Variants in ZNF804B observed in about 807,000 individuals in gnomAD.
The protein encoded by ZNF804B is zinc finger protein 804B.
Under a neutral mutation model 101.4 loss-of-function variants are expected in ZNF804B, and 80 were observed. The ratio of observed to expected loss-of-function variants is 0.79; its 90% confidence interval spans 0.66 to 0.95. The LOEUF is 0.95. Ranked by LOEUF, ZNF804B falls within the 40% of genes least tolerant of loss-of-function variation. ZNF804B has a pLI of 0.00. For missense variants in ZNF804B, 1,673 were observed against 1,561.9 expected (o/e 1.07, Z -1.20); for synonymous variants, 622 against 558.8 (o/e 1.11, Z -1.59).
At chr7:88,984,969 A>G (rs1046758091) in intron 1 of ZNF804B, among the ~76,000 whole-genome samples, 1 of 152,048 alleles carries the variant, frequency 6.6e-6, no homozygotes, top group Non-Finnish European at 1.5e-5. Flanking sequence ...GGGTGATTTA[A>G]AAAGAAACAA....
chr7:88,815,089 TATATG>T (rs1562801313), intron 1 of ZNF804B, among the ~76,000 whole-genome samples: 1 of 148,744 alleles, frequency 6.7e-6, no homozygotes, highest in African/African-American at 2.4e-5. Flanking sequence ...TGTTCATACA[TATATG>T]TATTATGTAT....
chr7:89,220,179 G>A (rs7455497), intron 2 of ZNF804B, among the ~76,000 whole-genome samples: 2,967 of 45,196 alleles, frequency 0.066, 1,011 homozygotes, highest in African/African-American at 0.11. Flanking sequence ...ATATATGTGT[G>A]TATATATATA....
At chr7:89,273,032 C>T (rs1425305181) in intron 2 of ZNF804B, among the ~76,000 whole-genome samples, 1 of 151,990 alleles carries the variant, frequency 6.6e-6, no homozygotes, top group Non-Finnish European at 1.5e-5. Flanking sequence ...TTGTAATCTT[C>T]AAAAATGCTT....
rs569672635 is a variant in ZNF804B, at chr7:89,246,740, G to A, written c.249+28445G>A. Among the ~76,000 whole-genome samples the A allele has an allele frequency of 3.1e-4, 47 of 152,262 alleles. No individual in the cohort carries two copies. In the South Asian group the frequency reaches 9.3e-3, roughly 30 times the overall value. ...GAGCAACCACTCACCTGGATAAGCA[G>A]CCTGAACTGTCCCACCCTTTATGGG... On this transcript the variant is annotated intron_variant, in intron 2 of 3. Coordinates refer to ENST00000333190, the MANE Select transcript of ZNF804B (RefSeq NM_181646.5).
intron 1 of ZNF804B, among the ~76,000 whole-genome samples, chr7:89,066,915 G>A (rs1789463127): frequency 6.6e-6 from 1 of 151,736 alleles, no homozygotes; most frequent in Non-Finnish European, 1.5e-5. Context: ...TTTATGTGAT[G>A]TTTGTGGTAT....
intron 1 of ZNF804B, among the ~76,000 whole-genome samples, chr7:89,093,723 T>TTTG (rs1789929405): frequency 6.6e-6 from 1 of 152,252 alleles, no homozygotes; most frequent in Non-Finnish European, 1.5e-5. Flanking sequence ...TCCATGTGTC[T>TTTG]GAAGGAACTG....
intron 1 of ZNF804B, among the ~76,000 whole-genome samples, chr7:89,143,443 A>T: frequency 6.6e-6 from 1 of 151,968 alleles, no homozygotes; most frequent in East Asian, 1.9e-4. Context: ...CCAGCTTCTA[A>T]TATCTATCTA....
chr7:89,062,979 G>A (rs1789401406), intron 1 of ZNF804B, among the ~76,000 whole-genome samples: 1 of 152,012 alleles, frequency 6.6e-6, no homozygotes, highest in African/African-American at 2.4e-5. Context: ...TTTGACCTTA[G>A]GATAGGTGTA....
At chr7:88,968,367 G>A (rs1793487002) in intron 1 of ZNF804B, among the ~76,000 whole-genome samples, 1 of 151,530 alleles carries the variant, frequency 6.6e-6, no homozygotes. Context: ...TTTTCTGATT[G>A]TATCATTTTT....
At chr7:88,844,455 G>C (rs1362015846) in intron 1 of ZNF804B, among the ~76,000 whole-genome samples, 1 of 152,014 alleles carries the variant, frequency 6.6e-6, no homozygotes, top group Non-Finnish European at 1.5e-5. Context: ...TTCCTTCTTT[G>C]GCCTCATAGT....
At chr7:89,315,815 G>A (rs1396955667) in intron 2 of ZNF804B, among the ~76,000 whole-genome samples, 3 of 152,006 alleles carry the variant, frequency 2.0e-5, no homozygotes, top group African/African-American at 4.8e-5. Context: ...TCCTGCGCTG[G>A]CAGAATTTTA....
At chr7:89,030,758 T>C (rs1332163243) in intron 1 of ZNF804B, among the ~76,000 whole-genome samples, 2 of 152,170 alleles carry the variant, frequency 1.3e-5, no homozygotes, top group Admixed American at 6.6e-5. Flanking sequence ...TGCTCCCTTT[T>C]GTCTTATAGG....
At chr7:88,820,807 G>A (rs571654621) in intron 1 of ZNF804B, among the ~76,000 whole-genome samples, 9 of 152,258 alleles carry the variant, frequency 5.9e-5, no homozygotes, top group Admixed American at 2.6e-4. Context: ...TGGCAGTGAC[G>A]GTGACAATGT....
Position 89,115,952 on chromosome 7 carries a change from A to C in ZNF804B, c.109-102203A>C, listed in dbSNP as rs375137482. Among the ~76,000 whole-genome samples the C allele has an allele frequency of 7.4e-5, 11 of 149,522 alleles. No homozygotes were observed. The East Asian group carries it at 2.2e-3, about 29-fold the overall frequency. ...CAAGAGTCTCACTCCAGTTGCCCAG[A>C]CTGGAGCAGTGGCGTGATCTTGGCT... On this transcript the variant is annotated intron_variant, in intron 1 of 3. Coordinates refer to ENST00000333190, the MANE Select transcript of ZNF804B (RefSeq NM_181646.5).
intron 1 of ZNF804B, among the ~76,000 whole-genome samples, chr7:89,128,504 T>G (rs1290858235): frequency 6.6e-6 from 1 of 152,008 alleles, no homozygotes; most frequent in Admixed American, 6.6e-5. Flanking sequence ...ACAAGAATGT[T>G]TTTTTCTTTC....
At chr7:89,212,252 TACACACAC>T (rs67535390) in intron 1 of ZNF804B, among the ~76,000 whole-genome samples, 42 of 87,170 alleles carry the variant, frequency 4.8e-4, no homozygotes, top group African/African-American at 1.8e-3. Flanking sequence ...CATTCAGTGA[TACACACAC>T]ACACACACAC....
intron 1 of ZNF804B, among the ~76,000 whole-genome samples, chr7:88,952,538 A>G (rs1051625298): frequency 6.6e-6 from 1 of 151,772 alleles, no homozygotes; most frequent in Admixed American, 6.6e-5. Context: ...ATAGCTGATT[A>G]TAGTGATGTA....
At chr7:89,324,675 T>C (rs1790871886) in intron 2 of ZNF804B, among the ~76,000 whole-genome samples, 1 of 151,214 alleles carries the variant, frequency 6.6e-6, no homozygotes, top group Admixed American at 6.6e-5. Flanking sequence ...ATCTCCTTTG[T>C]TGTCCTCCTG....
Position 89,218,138 on chromosome 7 carries a change from T to C in ZNF804B, c.109-17T>C. ...TAGAGAGAAGTCTAACCAACATTTA[T>C]GTATTTTTTCTTAAAGGATTTTGCA... On this transcript the variant is annotated splice_polypyrimidine_tract_variant and intron_variant, in intron 1 of 3. Transcript: ENST00000333190. The C allele has an allele frequency of 6.5e-7, 1 of 1,533,670 alleles. No homozygotes were observed. The highest frequency in any genetic ancestry group is 2.3e-5 in the East Asian group (1 of 43,602).
Sources: allele counts gnomAD v4.1 joint callset (sites outside exome capture counted in the v4.1 genomes callset), GRCh38; gene constraint gnomAD v4.1.1; transcripts MANE v1.5; gene names NCBI Gene and HGNC (gene_info 2026-07-23, HGNC 2026-07-21).